MRAP2: variants seen among roughly 807,000 people sequenced by gnomAD.
MRAP2 encodes the protein melanocortin 2 receptor accessory protein 2, also known as melanocortin-2 receptor accessory protein 2.
MRAP2 carries 20 observed loss-of-function variants against 17.4 expected under a neutral mutation model. The ratio of observed to expected loss-of-function variants is 1.15; its 90% CI spans 0.81 to 1.67. MRAP2 has a LOEUF of 1.67. Among genes scored for constraint, MRAP2 ranks in the 40% most tolerant of loss-of-function variants. MRAP2 has a pLI of 0.00. For synonymous variants in MRAP2, 96 were observed against 88.4 expected (o/e 1.09, Z -0.48); for missense variants, 238 against 240.0 (o/e 0.99, Z 0.05).
chr6:84,079,658 AAAAT>A (rs760100179), intron 3 of MRAP2, among the ~76,000 whole-genome samples: 31 of 152,362 alleles, frequency 2.0e-4, no homozygotes, highest in Middle Eastern at 3.4e-3. Context: ...TCTCTGAAAG[AAAAT>A]GATATTTATT....
the MRAP2 span, chr6:84,126,420 C>T: frequency 6.2e-7 from 1 of 1,602,540 alleles, no homozygotes; most frequent in Non-Finnish European, 8.5e-7. Context: ...TCATTTCCAT[C>T]TGCTTAATTT....
intron 1 of MRAP2, chr6:84,045,251 G>A (rs1293146109): frequency 5.1e-6 from 5 of 985,152 alleles, no homozygotes; most frequent in African/African-American, 3.5e-5. Context: ...GCTGGACATC[G>A]GGCAGCCAAG....
At chr6:84,100,464 G>T in the MRAP2 span, among the ~76,000 whole-genome samples, 1 of 151,694 alleles carries the variant, frequency 6.6e-6, no homozygotes, top group Non-Finnish European at 1.5e-5. Flanking sequence ...ACAGCATTTC[G>T]CCATGTTGTC....
At chr6:84,037,428 A>G (rs534795871) in intron 1 of MRAP2, among the ~76,000 whole-genome samples, 1,886 of 152,334 alleles carry the variant, frequency 0.012, 44 homozygotes, top group African/African-American at 0.043. Context: ...AGTGGATCCC[A>G]CGCCAGGGCC....
chr6:84,050,574 A>C (rs1178170172), intron 1 of MRAP2, among the ~76,000 whole-genome samples: 1 of 152,246 alleles, frequency 6.6e-6, no homozygotes, highest in Non-Finnish European at 1.5e-5. Context: ...TCAGCCACCA[A>C]AGTGCAGCGT....
At chr6:84,126,408 T>A in the MRAP2 span, 59 of 1,603,896 alleles carry the variant, frequency 3.7e-5, no homozygotes, top group African/African-American at 6.7e-4. Flanking sequence ...TTTGTGCATG[T>A]CTCATTTCCA....
At chr6:84,064,700 G>C (rs1180938452) in intron 3 of MRAP2, among the ~76,000 whole-genome samples, 1 of 152,168 alleles carries the variant, frequency 6.6e-6, no homozygotes, top group Non-Finnish European at 1.5e-5. Flanking sequence ...TGTTAGCCAG[G>C]ATGGTCTCGA....
Position 84,089,307 on chromosome 6 carries a change from C to G in MRAP2, c.444C>G (p.Ile148Met). The G allele has an allele frequency of 6.2e-7, 1 of 1,614,210 alleles. No homozygotes were observed. Residue 148 changes from isoleucine to methionine, a missense_variant, in exon 4 of 4, where the codon ATC becomes ATG. By Grantham distance (10) the Ile-to-Met change is conservative. Transcript: ENST00000257776. Reference sequence around the variant, plus strand: ...GTGACGTCCAACTCCAGGAAGCCATCAGAAGCAGTGGGCAGCCAGAGGAGG... The same window carrying G: ...GTGACGTCCAACTCCAGGAAGCCATGAGAAGCAGTGGGCAGCCAGAGGAGG... ...LDSDVQLQEA[I>M]RSSGQPEEEL...
At chr6:84,085,434 G>A (rs2099500181) in intron 3 of MRAP2, among the ~76,000 whole-genome samples, 1 of 152,204 alleles carries the variant, frequency 6.6e-6, no homozygotes, top group Non-Finnish European at 1.5e-5. Context: ...TTGTACTGGT[G>A]TGTAAAGAAA....
intron 1 of MRAP2, among the ~76,000 whole-genome samples, chr6:84,054,806 G>A (rs1442721575): frequency 5.3e-5 from 8 of 152,142 alleles, no homozygotes; most frequent in Non-Finnish European, 1.0e-4. Context: ...TGGTACAGGA[G>A]GCCCTTGGTG....
chr6:84,039,189 A>G (rs1257925143), intron 1 of MRAP2, among the ~76,000 whole-genome samples: 1 of 152,214 alleles, frequency 6.6e-6, no homozygotes, highest in Non-Finnish European at 1.5e-5. Flanking sequence ...AAAGTTCTCC[A>G]TTTACATTAG....
chr6:84,084,985 A>G (rs1027694403), intron 3 of MRAP2, among the ~76,000 whole-genome samples: 1 of 147,656 alleles, frequency 6.8e-6, no homozygotes, highest in Non-Finnish European at 1.5e-5. Context: ...TTTAGGGTAC[A>G]TGTGCACAAC....
Position 84,089,661 on chromosome 6 carries a change from TG to T in MRAP2, c.*181del, listed in dbSNP as rs1264632704. On this transcript the variant is annotated 3_prime_UTR_variant, in exon 4 of 4. Coordinates refer to ENST00000257776, the MANE Select transcript of MRAP2 (RefSeq NM_138409.4). ...GAGCTGATTAAGCTGAGTGGTTTTT[TG>T]TTTTGTTTTGTTTTTGCTTTTTAAT... The T allele has an allele frequency of 1.5e-6, 1 of 669,100 alleles. No homozygotes were observed. Among genetic ancestry groups the T allele is most frequent in the African/African-American group, 1.8e-5 (1 of 54,530 alleles). The allele number at this position is 669,100 out of a possible 1,614,324, so 41.4% of individuals were successfully genotyped here.
intron 3 of MRAP2, among the ~76,000 whole-genome samples, chr6:84,083,087 C>T (rs374852134): frequency 2.0e-5 from 3 of 152,208 alleles, no homozygotes; most frequent in South Asian, 2.1e-4. Flanking sequence ...ACAGGACTTG[C>T]GTCAGAAATA....
the MRAP2 span, among the ~76,000 whole-genome samples, chr6:84,137,310 C>G: frequency 3.3e-5 from 5 of 152,130 alleles, no homozygotes; most frequent in African/African-American, 1.2e-4. Context: ...CTTGAACATG[C>G]TAGCGAGCCT....
Position 84,058,052 on chromosome 6 carries a change from T to C in MRAP2, c.127+2607T>C, listed in dbSNP as rs528589777. 1.4e-4 allele frequency among the ~76,000 whole-genome samples: 22 copies of C among 152,162 alleles called. No individual in the cohort carries two copies. In the East Asian group the frequency reaches 4.1e-3, roughly 28 times the overall value. The stretch of plus-strand genomic sequence containing the variant: ...GCAGGAAACGAAGTCAAAGAGGCTG[T>C]GGGGACAAGGACATGGGGGGGCCTT... On this transcript the variant is annotated intron_variant, in intron 2 of 3. Coordinates refer to ENST00000257776, the MANE Select transcript of MRAP2 (RefSeq NM_138409.4).
rs757494182 is a variant in MRAP2 at position 84,089,190 on chromosome 6, C to T, written c.327C>T (p.Asn109=). The T allele has an allele frequency of 2.3e-5, 37 of 1,614,040 alleles. No individual in the cohort carries two copies. The highest frequency in any genetic ancestry group is 2.5e-5 in the Non-Finnish European group (30 of 1,180,052). ...EPDKVFSRQG[N]EESRSLFHCY... ...ATAAAGTATTTTCTCGCCAAGGCAA[C>T]GAGGAGTCCAGGTCTCTCTTTCACT... The change falls in exon 4 of 4, where the codon AAC becomes AAT. Residue 109 remains asparagine, a synonymous_variant. Coordinates refer to ENST00000257776, the MANE Select transcript of MRAP2 (RefSeq NM_138409.4).
At chr6:84,133,886 G>C in the MRAP2 span, among the ~76,000 whole-genome samples, 1 of 152,302 alleles carries the variant, frequency 6.6e-6, no homozygotes, top group East Asian at 1.9e-4. Flanking sequence ...AAGCCCCAGT[G>C]AGATGAACCT....
the MRAP2 span, among the ~76,000 whole-genome samples, chr6:84,119,115 G>T: frequency 4.6e-5 from 7 of 152,300 alleles, no homozygotes; most frequent in South Asian, 1.2e-3. Context: ...CAGGCAGTAT[G>T]ATGCCTTGAG....
Sources: allele counts gnomAD v4.1 joint callset (sites outside exome capture counted in the v4.1 genomes callset), GRCh38; gene constraint gnomAD v4.1.1; transcripts MANE v1.5; gene names NCBI Gene and HGNC (gene_info 2026-07-23, HGNC 2026-07-21).